Variants in MIDEAS observed in about 807,000 individuals in gnomAD.
MIDEAS encodes mitotic deacetylase associated SANT domain protein.
In MIDEAS, 26 loss-of-function variants were observed where a neutral mutation model predicts 102.7. The ratio of observed to expected loss-of-function variants is 0.25; its 90% confidence interval spans 0.19 to 0.35. MIDEAS has a LOEUF of 0.35. Among genes scored for constraint, MIDEAS ranks in the 10% least tolerant of loss-of-function variants. The probability of loss-of-function intolerance (pLI) is 1.00; values close to 1 mark genes in which losing one functional copy is unlikely to be tolerated. For synonymous variants in MIDEAS, 585 were observed against 591.0 expected (o/e 0.99, Z 0.15); for missense variants, 1,231 against 1,435.6 (o/e 0.86, Z 2.30).
intron 1 of MIDEAS, among the ~76,000 whole-genome samples, chr14:73,779,876 CTAT>C: frequency 7.0e-6 from 1 of 142,556 alleles, no homozygotes; most frequent in East Asian, 2.2e-4. Flanking sequence ...CGCGCCCGGC[CTAT>C]TATTTTTTTT....
At chr14:73,720,083 T>C (rs998113093) in intron 11 of MIDEAS, among the ~76,000 whole-genome samples, 1 of 151,922 alleles carries the variant, frequency 6.6e-6, no homozygotes. Context: ...AGTGGCACCC[T>C]CATGGGAAAG....
rs897808014 is a variant in MIDEAS, at chr14:73,776,942, G to T, written c.-248+10160C>A. 7.2e-5 allele frequency among the ~76,000 whole-genome samples: 11 copies of T among 151,950 alleles called. No homozygotes were observed. In the East Asian group the frequency reaches 1.9e-3, roughly 27 times the overall value. On this transcript the variant is annotated intron_variant, in intron 1 of 11. Transcript: ENST00000394071. ...AAACATTAGCCTGGCGTGGTGGCGGGTGCCTGTAGTCCCAGCTACTCGGGA... is the reference window on the plus strand; with the variant it reads ...AAACATTAGCCTGGCGTGGTGGCGGTTGCCTGTAGTCCCAGCTACTCGGGA...
intron 1 of MIDEAS, among the ~76,000 whole-genome samples, chr14:73,741,437 T>C (rs2140127812): frequency 6.6e-6 from 1 of 152,068 alleles, no homozygotes; most frequent in Admixed American, 6.5e-5. Flanking sequence ...TTCTGGTCCC[T>C]AGGAAGAGGG....
At chr14:73,773,893 G>A (rs761548418) in intron 1 of MIDEAS, among the ~76,000 whole-genome samples, 1 of 151,476 alleles carries the variant, frequency 6.6e-6, no homozygotes, top group Non-Finnish European at 1.5e-5. Context: ...ATGGTGGTGG[G>A]CGCCTGTAGT....
chr14:73,718,864 G>C lies in MIDEAS; in HGVS notation c.3279C>G (p.Ser1093Arg). Reference sequence around the variant, plus strand: ...GCGCTCAGCCCTTGTCGCCCGCACCGCTCTCCTCCCGCAGGGCCTGCTGGT... The same window carrying C: ...GCGCTCAGCCCTTGTCGCCCGCACCCCTCTCCTCCCGCAGGGCCTGCTGGT... The part of the protein sequence containing the change: ...AAHQQALREE[S>R]GAGDKG Residue 1093 changes from serine to arginine, a missense_variant, in exon 13 of 13, where the codon AGC becomes AGG. Ser to Arg is a moderately radical substitution (Grantham distance 110). Transcript: ENST00000423556. 1.3e-6 allele frequency: 2 copies of C among 1,503,708 alleles called. No homozygotes were observed. Among genetic ancestry groups the C allele is most frequent in the Admixed American group, 2.2e-5 (1 of 45,364 alleles). The allele number at this position is 1,503,708 out of a possible 1,614,324, so 93.1% of individuals were successfully genotyped here.
chr14:73,720,387 A>C (rs1321568338), intron 11 of MIDEAS, among the ~76,000 whole-genome samples: 1 of 151,938 alleles, frequency 6.6e-6, no homozygotes, highest in Admixed American at 6.5e-5. Context: ...AGCTGGGATT[A>C]CAGGCGTGCA....
chr14:73,756,323 G>C (rs1224463479), intron 1 of MIDEAS, among the ~76,000 whole-genome samples: 1 of 150,476 alleles, frequency 6.6e-6, no homozygotes, highest in Non-Finnish European at 1.5e-5. Context: ...CTGAGGTGGA[G>C]GGAGGGTGAT....
At position 73,725,327 on chromosome 14, in the gene MIDEAS, A is replaced by C; in HGVS notation, c.2519T>G (p.Leu840Arg). The C allele has an allele frequency of 6.2e-7, 1 of 1,614,104 alleles. No individual in the cohort carries two copies. The highest frequency in any genetic ancestry group is 8.5e-7 in the Non-Finnish European group (1 of 1,179,990). Reference protein sequence around the residue: ...SDQWKMAERKLFNKGIAIYKK... With the variant: ...SDQWKMAERKRFNKGIAIYKK... ...GTAGATGGCAATGCCTTTGTTGAAC[A>C]GCTTCCTCTCGGCCATCTTCCACTG... Residue 840 changes from leucine to arginine, a missense_variant, in exon 9 of 13, where the codon CTG (leucine) becomes CGG (arginine). This residue lies in a region of MIDEAS where 391 missense variants were observed against 483.0 expected (regional missense o/e 0.81). Transcript: ENST00000423556. This position sits in a 1 kb window ranked among gnomAD's most constrained non-coding sequence, Gnocchi z 4.1.
chr14:73,719,127 A>T, intron 12 of MIDEAS, 119 bp from the exon 13 acceptor site: 3 of 1,461,322 alleles, frequency 2.1e-6, no homozygotes, highest in East Asian at 2.5e-5. Flanking sequence ...GCGGCCGGCC[A>T]GCTCGCGTCA....
rs2052907906 is a variant in MIDEAS at position 73,717,386 on chromosome 14, A to AAGCCAGAATCCAGGCCCCATAAACC, written c.*1432_*1456dup. ...CACCCATGCCAAATATGGCTTCTTC[A>AAGCCAGAATCCAGGCCCCATAAACC]AGCCAGAATCCAGGCCCCATAAACC... On this transcript the variant is annotated 3_prime_UTR_variant, in exon 13 of 13. Coordinates refer to ENST00000423556, the MANE Select transcript of MIDEAS (RefSeq NM_001367710.1). 2 of 152,206 alleles carry AAGCCAGAATCCAGGCCCCATAAACC rather than the reference A, an allele frequency of 1.3e-5. No individual in the cohort carries two copies. The allele number at this position is 152,206 out of a possible 1,614,324, so 9.4% of individuals were successfully genotyped here. A position where few individuals can be genotyped will look rare whatever the true frequency, so the allele number is the denominator to read the frequency against.
At chr14:73,761,654 A>G (rs2053555391), upstream of MIDEAS, among the ~76,000 whole-genome samples, 1 of 152,180 alleles carries the variant, frequency 6.6e-6, no homozygotes, top group South Asian at 2.1e-4. Flanking sequence ...AAGTGAATAG[A>G]GGAGCTAGGG....
At chr14:73,730,059 G>T (rs1383508921) in intron 3 of MIDEAS, 74 bp from the exon 4 acceptor site, 1 of 1,457,654 alleles carries the variant, frequency 6.9e-7, no homozygotes, top group Non-Finnish European at 9.5e-7. Flanking sequence ...ACCACAGCTT[G>T]CCAGTCTCAC....
At chr14:73,726,209 A>C in intron 7 of MIDEAS, 101 bp from the exon 8 acceptor site, 1 of 952,956 alleles carries the variant, frequency 1.0e-6, no homozygotes, top group African/African-American at 1.6e-5. Context: ...GTGGACACTT[A>C]CTCTTGCCCC....
chr14:73,775,798 G>A (rs997566529), intron 1 of MIDEAS, among the ~76,000 whole-genome samples: 12 of 152,024 alleles, frequency 7.9e-5, no homozygotes, highest in African/African-American at 2.4e-4. Flanking sequence ...AGGGCAAGAC[G>A]GGAGCTGGAG....
At chr14:73,723,443 C>T (rs2053022478) in intron 9 of MIDEAS, 4 of 152,248 alleles carry the variant, frequency 2.6e-5, no homozygotes, top group Admixed American at 1.3e-4. Context: ...TGAGCTACCT[C>T]GCCTGGCCTG....
chr14:73,745,050 G>A (rs536012752), intron 1 of MIDEAS, among the ~76,000 whole-genome samples: 11 of 152,254 alleles, frequency 7.2e-5, no homozygotes, highest in Non-Finnish European at 5.9e-5. Context: ...TCAAGACTGC[G>A]CCCAAGGTGA....
intron 1 of MIDEAS, among the ~76,000 whole-genome samples, chr14:73,744,244 C>T (rs2053320709): frequency 6.6e-6 from 1 of 152,202 alleles, no homozygotes; most frequent in Non-Finnish European, 1.5e-5. Flanking sequence ...GGCTGGCTGA[C>T]CCCAGGAGAA....
upstream of MIDEAS, chr14:73,787,350 A>G (rs2053825324): frequency 6.7e-6 from 1 of 150,212 alleles, no homozygotes; most frequent in Non-Finnish European, 1.5e-5. Flanking sequence ...CCGTCTCCCC[A>G]CTCTGCGCGC....
chr14:73,728,616 G>A (rs10133979), intron 4 of MIDEAS: 12,574 of 151,790 alleles, frequency 0.083, 732 homozygotes, highest in African/African-American at 0.16. Flanking sequence ...CCACACTACC[G>A]GGAACCTCTG....
Sources: gnomAD v4.1 joint callset for allele counts (sites outside exome capture counted in the v4.1 genomes callset) on GRCh38, gnomAD v4.1.1 for gene constraint, gnomAD v4.1.1 regional missense constraint, Gnocchi (gnomAD v3.1) non-coding constraint, MANE v1.5 for transcripts, NCBI Gene and HGNC (gene_info 2026-07-23, HGNC 2026-07-21) for gene names.